Variants in CEP128 observed in about 807,000 individuals in gnomAD.
CEP128 encodes the protein centrosomal protein 128.
Under a neutral mutation model 156.7 loss-of-function variants are expected in CEP128, and 132 were observed. That is an observed-to-expected ratio of 0.84 (90% CI 0.73 to 0.97). The LOEUF (loss-of-function observed/expected upper bound fraction) is 0.97. Among genes scored for constraint, CEP128 ranks in the 50% least tolerant of loss-of-function variants. The probability of loss-of-function intolerance (pLI) is 0.00; values close to 1 mark genes in which losing one functional copy is unlikely to be tolerated. For missense variants in CEP128, 1,252 were observed against 1,281.9 expected (o/e 0.98, Z 0.36); for synonymous variants, 469 against 448.9 (o/e 1.04, Z -0.57).
At chr14:80,699,249 G>C (rs560240282) in intron 19 of CEP128, among the ~76,000 whole-genome samples, 2 of 152,294 alleles carry the variant, frequency 1.3e-5, no homozygotes, top group South Asian at 4.1e-4. Context: ...AAGACGTGCA[G>C]AGCATGAAGT....
At chr14:80,913,082 T>C (rs1372233905) in intron 4 of CEP128, among the ~76,000 whole-genome samples, 1 of 152,136 alleles carries the variant, frequency 6.6e-6, no homozygotes, top group Non-Finnish European at 1.5e-5. Flanking sequence ...AACTCTGGAG[T>C]ACATTTTTTT....
rs185598551 is a variant in CEP128 at position 80,893,226 on chromosome 14, A to G, written c.645+2492T>C. On this transcript the variant is annotated intron_variant, in intron 8 of 24. Coordinates refer to ENST00000555265, the MANE Select transcript of CEP128 (RefSeq NM_152446.5). ...ATGCTAAGTGAAATAAGCCAGACAC[A>G]GAAAGAAAAATATTGCATGATCTCA... Among the ~76,000 whole-genome samples the G allele has an allele frequency of 1.2e-3, 182 of 152,144 alleles. 2 individuals carry two copies. The highest frequency in any genetic ancestry group is 4.2e-3 in the African/African-American group (173 of 41,592).
chr14:80,574,850 T>G (rs1050877151), intron 20 of CEP128, among the ~76,000 whole-genome samples: 1 of 152,058 alleles, frequency 6.6e-6, no homozygotes, highest in African/African-American at 2.4e-5. Flanking sequence ...ATCTAACACC[T>G]GTCCCTCCAC....
At chr14:80,822,316 T>C (rs1033005799) in intron 13 of CEP128, among the ~76,000 whole-genome samples, 9 of 152,156 alleles carry the variant, frequency 5.9e-5, no homozygotes, top group African/African-American at 4.8e-5. Context: ...GGTACAGGCA[T>C]TGAGTAAATA....
chr14:80,626,341 G>A (rs893156228), intron 19 of CEP128, among the ~76,000 whole-genome samples: 2 of 151,462 alleles, frequency 1.3e-5, no homozygotes, highest in Non-Finnish European at 2.9e-5. Context: ...GCGGGCGCCT[G>A]TAGTCCCAGC....
intron 21 of CEP128, among the ~76,000 whole-genome samples, chr14:80,552,181 C>T (rs1034829346): frequency 4.6e-5 from 7 of 151,904 alleles, no homozygotes; most frequent in Non-Finnish European, 7.4e-5. Flanking sequence ...TGGTGGTGGG[C>T]ACCTGTAATC....
chr14:80,927,216 GCT>G (rs1472487671), intron 2 of CEP128, among the ~76,000 whole-genome samples: 1 of 152,220 alleles, frequency 6.6e-6, no homozygotes. Flanking sequence ...CGGACTGCAG[GCT>G]CTGAGTCCCT....
At chr14:80,526,783 A>G in intron 23 of CEP128, 86 bp downstream of exon 23, 1 of 664,428 alleles carries the variant, frequency 1.5e-6, no homozygotes, top group Non-Finnish European at 2.6e-6. Context: ...GTGCCCTTAC[A>G]CAAACACTGC....
At chr14:80,642,777 A>G (rs1894473835) in intron 19 of CEP128, among the ~76,000 whole-genome samples, 1 of 150,252 alleles carries the variant, frequency 6.7e-6, no homozygotes, top group Admixed American at 6.6e-5. Flanking sequence ...TTTTTTTGAG[A>G]CAGAGTCTTG....
At chr14:80,790,404 A>G (rs1417273824) in intron 14 of CEP128, among the ~76,000 whole-genome samples, 1 of 152,136 alleles carries the variant, frequency 6.6e-6, no homozygotes, top group Non-Finnish European at 1.5e-5. Context: ...CAGTACCTTA[A>G]AAGAAAAAGA....
intron 12 of CEP128, among the ~76,000 whole-genome samples, chr14:80,833,785 G>A (rs573849008): frequency 5.9e-5 from 9 of 152,112 alleles, no homozygotes; most frequent in South Asian, 4.1e-4. Flanking sequence ...TGCTTAAGCC[G>A]GGGCAGTGGG....
chr14:80,822,542 G>T, intron 13 of CEP128: 1 of 671,662 alleles, frequency 1.5e-6, no homozygotes, highest in Non-Finnish European at 2.8e-6. Context: ...GAGAAAGGCT[G>T]AAGGGGATGC....
intron 19 of CEP128, among the ~76,000 whole-genome samples, chr14:80,656,277 ATT>A (rs55803836): frequency 0.18 from 5,964 of 32,824 alleles, 1,527 homozygotes; most frequent in Non-Finnish European, 0.24. Flanking sequence ...CTAAGTTTTT[ATT>A]TATATATATA....
Position 80,530,850 on chromosome 14 carries a change from G to A in CEP128, c.2917C>T (p.Pro973Ser), listed in dbSNP as rs1889192175. 1 of 1,608,374 alleles carries A rather than the reference G, an allele frequency of 6.2e-7. No homozygotes were observed. The change falls in exon 22 of 25, where the codon CCT (proline) becomes TCT (serine). Residue 973 changes from proline (P) to serine (S), a missense_variant. Coordinates refer to ENST00000555265, the MANE Select transcript of CEP128 (RefSeq NM_152446.5). Reference sequence around the variant, plus strand: ...TCTTCTAGTAGGCTCAGTTTCTCAGGCACAGACTCCAGATGGTCCAAGGCC... The same window carrying A: ...TCTTCTAGTAGGCTCAGTTTCTCAGACACAGACTCCAGATGGTCCAAGGCC... ...QVALDHLESV[P>S]EKLSLLEDFK...
At chr14:80,615,410 C>T (rs1245611475) in intron 19 of CEP128, among the ~76,000 whole-genome samples, 1 of 152,162 alleles carries the variant, frequency 6.6e-6, no homozygotes, top group Non-Finnish European at 1.5e-5. Context: ...AACCCAGAGA[C>T]AGGCAGTCTA....
intron 19 of CEP128, among the ~76,000 whole-genome samples, chr14:80,620,665 C>T (rs1359675495): frequency 6.6e-6 from 1 of 152,102 alleles, no homozygotes; most frequent in African/African-American, 2.4e-5. Context: ...AAAATGAAGA[C>T]AATTCCAAGA....
At chr14:80,678,194 T>C (rs992549012) in intron 19 of CEP128, among the ~76,000 whole-genome samples, 9 of 151,850 alleles carry the variant, frequency 5.9e-5, no homozygotes, top group Admixed American at 1.3e-4. Context: ...TGGAACCACA[T>C]GTATACAGTA....
intron 18 of CEP128, among the ~76,000 whole-genome samples, chr14:80,754,569 T>A (rs1389769448): frequency 2.0e-5 from 3 of 151,556 alleles, no homozygotes; most frequent in Non-Finnish European, 4.4e-5. Flanking sequence ...TTCAAGCAAT[T>A]TGCCTGCCTC....
chr14:80,857,741 A>AC lies in CEP128; in HGVS notation c.762+5015_762+5016insG, dbSNP rs1555356492. Among the ~76,000 whole-genome samples, 365 of 138,340 alleles carry AC rather than the reference A, an allele frequency of 2.6e-3. 2 individuals carry two copies. Among genetic ancestry groups the AC allele is most frequent in the African/African-American group, 0.011 (340 of 31,128 alleles). 90.8% of individuals were successfully genotyped at this position (138,340 alleles called of 152,430 possible). The stretch of plus-strand genomic sequence containing the variant: ...AACAGAGTGACCCCATCTCAAAAAA[A>AC]AACAACAACAACAACAACAACAACA... On this transcript the variant is annotated intron_variant, in intron 9 of 24. Coordinates refer to ENST00000555265, the MANE Select transcript of CEP128 (RefSeq NM_152446.5).
Sources: allele counts gnomAD v4.1 joint callset (sites outside exome capture counted in the v4.1 genomes callset), GRCh38; gene constraint gnomAD v4.1.1; transcripts MANE v1.5; gene names NCBI Gene and HGNC (gene_info 2026-07-23, HGNC 2026-07-21).